Variants in MAML2 observed in about 807,000 individuals in gnomAD.
MAML2 encodes the protein mastermind like transcriptional coactivator 2.
MAML2 carries 22 observed loss-of-function variants against 96.1 expected under a neutral mutation model. The ratio of observed to expected loss-of-function variants is 0.23; its 90% CI spans 0.16 to 0.33. MAML2 has a LOEUF of 0.33. MAML2 is among the 10% of genes least tolerant of loss of function. The probability of loss-of-function intolerance (pLI) is 1.00; values close to 1 mark genes in which losing one functional copy is unlikely to be tolerated. For missense variants in MAML2, 1,367 were observed against 1,392.4 expected, an observed-to-expected ratio of 0.98 and a Z score of 0.29; for synonymous variants, 561 against 521.3, an observed-to-expected ratio of 1.08 and a Z score of -1.04.
At chr11:96,012,167 C>T (rs1858276497) in intron 2 of MAML2, among the ~76,000 whole-genome samples, 1 of 152,190 alleles carries the variant, frequency 6.6e-6, no homozygotes, top group African/African-American at 2.4e-5. Flanking sequence ...CCAGAACCTC[C>T]TCTGAAAGCA....
At chr11:95,990,555 G>A (rs1012243378) in intron 3 of MAML2, among the ~76,000 whole-genome samples, 1 of 152,096 alleles carries the variant, frequency 6.6e-6, no homozygotes, top group African/African-American at 2.4e-5. Flanking sequence ...TTAATCACAT[G>A]CATTACAATT....
rs760605417 is a variant in MAML2, at chr11:95,991,741, G to T, written c.2140-18C>A. 6.2e-7 allele frequency: 1 copy of T among 1,601,058 alleles called. No individual in the cohort carries two copies. Among genetic ancestry groups the T allele is most frequent in the Admixed American group, 1.7e-5 (1 of 59,858 alleles). On this transcript the variant is annotated intron_variant, in intron 2 of 4. Coordinates refer to ENST00000524717, the MANE Select transcript of MAML2 (RefSeq NM_032427.4). ...TGTTGATCCTAAAGAAGAGAAAGGG[G>T]GAAGGAAAAGCTACTGTGAATTAAA...
At chr11:96,282,298 T>C (rs1863083750) in intron 1 of MAML2, among the ~76,000 whole-genome samples, 1 of 151,976 alleles carries the variant, frequency 6.6e-6, no homozygotes, top group Non-Finnish European at 1.5e-5. Context: ...TGTATGTACT[T>C]GGCATGATCA....
intron 1 of MAML2, among the ~76,000 whole-genome samples, chr11:96,135,575 T>C (rs1860617646): frequency 7.0e-6 from 1 of 143,504 alleles, no homozygotes; most frequent in Admixed American, 7.4e-5. Context: ...ACCGTGGTAA[T>C]GATTTTATAG....
intron 1 of MAML2, among the ~76,000 whole-genome samples, chr11:96,163,756 T>C (rs941238903): frequency 1.3e-5 from 2 of 152,242 alleles, no homozygotes; most frequent in Non-Finnish European, 2.9e-5. Flanking sequence ...ATTGATAATA[T>C]TGCTGAGGTA....
At chr11:96,119,063 C>T (rs1450248607) in intron 1 of MAML2, among the ~76,000 whole-genome samples, 1 of 152,126 alleles carries the variant, frequency 6.6e-6, no homozygotes, top group African/African-American at 2.4e-5. Flanking sequence ...GCATTTGATT[C>T]TCATAATAGC....
chr11:96,072,009 A>T (rs867123546), intron 2 of MAML2, among the ~76,000 whole-genome samples: 2 of 152,336 alleles, frequency 1.3e-5, no homozygotes, highest in African/African-American at 4.8e-5. Flanking sequence ...CAAAATGTAT[A>T]TTGTATTTTT....
At chr11:95,980,465 A>G (rs1203879571) in intron 4 of MAML2, among the ~76,000 whole-genome samples, 2 of 152,144 alleles carry the variant, frequency 1.3e-5, no homozygotes, top group African/African-American at 4.8e-5. Flanking sequence ...TCCCCATTCA[A>G]GAAGCTACCC....
At chr11:95,983,160 A>C (rs1857767842) in intron 4 of MAML2, among the ~76,000 whole-genome samples, 1 of 152,146 alleles carries the variant, frequency 6.6e-6, no homozygotes, top group South Asian at 2.1e-4. Flanking sequence ...GTTCCTGAAC[A>C]CCTTCCAGTG....
intron 1 of MAML2, among the ~76,000 whole-genome samples, chr11:96,316,864 AG>A (rs1863640099): frequency 6.6e-6 from 1 of 151,964 alleles, no homozygotes; most frequent in African/African-American, 2.4e-5. Context: ...GTGCCCAGAC[AG>A]GGGATTCAAG....
chr11:96,101,141 T>A (rs1179795267), intron 1 of MAML2, among the ~76,000 whole-genome samples: 2 of 152,162 alleles, frequency 1.3e-5, no homozygotes, highest in African/African-American at 4.8e-5. Flanking sequence ...GAAGTCAACA[T>A]ACTGCCCTTC....
intron 3 of MAML2, among the ~76,000 whole-genome samples, chr11:95,986,001 G>C (rs899711372): frequency 6.6e-6 from 1 of 152,096 alleles, no homozygotes; most frequent in Non-Finnish European, 1.5e-5. Flanking sequence ...AGGTCACTGT[G>C]CAACCTCCAA....
intron 2 of MAML2, among the ~76,000 whole-genome samples, chr11:96,056,361 C>T (rs1590985482): frequency 9.3e-6 from 1 of 107,512 alleles, no homozygotes; most frequent in Admixed American, 1.1e-4. Flanking sequence ...CATGTTCTCT[C>T]TTTTAGTTTT....
chr11:96,214,548 G>A (rs1862020365), intron 1 of MAML2, among the ~76,000 whole-genome samples: 1 of 152,190 alleles, frequency 6.6e-6, no homozygotes, highest in African/African-American at 2.4e-5. Flanking sequence ...AACACTTGCT[G>A]ATGTTGGTAA....
intron 2 of MAML2, among the ~76,000 whole-genome samples, chr11:96,021,047 T>C (rs1858428024): frequency 6.6e-6 from 1 of 152,212 alleles, no homozygotes; most frequent in African/African-American, 2.4e-5. Flanking sequence ...GGTGTGTTTA[T>C]GTATATCTAT....
intron 2 of MAML2, among the ~76,000 whole-genome samples, chr11:96,021,247 T>C (rs1473427617): frequency 2.0e-5 from 3 of 152,194 alleles, no homozygotes; most frequent in Admixed American, 6.5e-5. Flanking sequence ...AAGGAAGGAC[T>C]GTATCTGGTC....
intron 1 of MAML2, among the ~76,000 whole-genome samples, chr11:96,150,094 T>C (rs750250888): frequency 1.3e-5 from 2 of 152,078 alleles, no homozygotes; most frequent in African/African-American, 2.4e-5. Flanking sequence ...TTAAATTCAA[T>C]ATCTAAATAA....
At chr11:96,151,800 G>A (rs1860928860) in intron 1 of MAML2, among the ~76,000 whole-genome samples, 1 of 152,206 alleles carries the variant, frequency 6.6e-6, no homozygotes, top group African/African-American at 2.4e-5. Flanking sequence ...ATGAGCCAAT[G>A]AAACCTCTTT....
chr11:96,146,631 T>C (rs1272449470), intron 1 of MAML2, among the ~76,000 whole-genome samples: 4 of 152,192 alleles, frequency 2.6e-5, no homozygotes, highest in African/African-American at 9.7e-5. Context: ...GGACCTCAAA[T>C]ACTTGCCATG....
Sources: gnomAD v4.1 joint callset for allele counts (sites outside exome capture counted in the v4.1 genomes callset) on GRCh38, gnomAD v4.1.1 for gene constraint, MANE v1.5 for transcripts, NCBI Gene and HGNC (gene_info 2026-07-23, HGNC 2026-07-21) for gene names.